The following SKAP2 variants were observed in gnomAD, a reference collection of about 807,000 sequenced individuals.
The protein encoded by SKAP2 is src kinase associated phosphoprotein 2, also known as src kinase-associated phosphoprotein 2.
SKAP2 carries 28 observed loss-of-function variants against 54.9 expected under a neutral mutation model. The ratio of observed to expected loss-of-function variants is 0.51; its 90% CI spans 0.38 to 0.70. SKAP2 has a LOEUF of 0.70. Ranked by LOEUF, SKAP2 falls within the 30% of genes least tolerant of loss-of-function variation. SKAP2 has a pLI of 0.00. For synonymous variants in SKAP2, 137 were observed against 134.3 expected (o/e 1.02, Z -0.14); for missense variants, 356 against 424.1 (o/e 0.84, Z 1.41).
intron 4 of SKAP2, among the ~76,000 whole-genome samples, chr7:26,754,245 TC>T (rs1167342744): frequency 6.6e-6 from 1 of 151,582 alleles, no homozygotes; most frequent in African/African-American, 2.4e-5. Context: ...ACACCTGCAA[TC>T]CCAGCCACTC....
At chr7:26,843,382 G>C (rs979337315) in intron 4 of SKAP2, among the ~76,000 whole-genome samples, 1 of 152,004 alleles carries the variant, frequency 6.6e-6, no homozygotes, top group Non-Finnish European at 1.5e-5. Flanking sequence ...GGCTATAACA[G>C]AGAAAGTACA....
chr7:26,723,490 C>G (rs1787624956), intron 9 of SKAP2, among the ~76,000 whole-genome samples: 1 of 151,916 alleles, frequency 6.6e-6, no homozygotes, highest in Non-Finnish European at 1.5e-5. Flanking sequence ...AGTACCACAG[C>G]AAGAAGTAAC....
At chr7:26,755,777 CAAAA>C (rs1430669056) in intron 4 of SKAP2, among the ~76,000 whole-genome samples, 5 of 152,194 alleles carry the variant, frequency 3.3e-5, no homozygotes, top group African/African-American at 1.2e-4. Context: ...ATAGGACTGG[CAAAA>C]ACTGCAAAGA....
chr7:26,821,488 T>C (rs1011664285), intron 4 of SKAP2, among the ~76,000 whole-genome samples: 2 of 152,190 alleles, frequency 1.3e-5, no homozygotes, highest in Admixed American at 1.3e-4. Flanking sequence ...AATGTCTCTA[T>C]TCTAAATCTT....
chr7:26,714,309 A>AT (rs1408527190), intron 9 of SKAP2, among the ~76,000 whole-genome samples: 4 of 152,322 alleles, frequency 2.6e-5, no homozygotes, highest in African/African-American at 9.6e-5. Flanking sequence ...ATATTAAAAA[A>AT]ACTGCCCCAT....
At chr7:26,732,170 C>T (rs913171748) in intron 6 of SKAP2, among the ~76,000 whole-genome samples, 1 of 152,126 alleles carries the variant, frequency 6.6e-6, no homozygotes, top group Non-Finnish European at 1.5e-5. Context: ...AAAGTGGATG[C>T]TCCAGACTGG....
intron 4 of SKAP2, among the ~76,000 whole-genome samples, chr7:26,843,415 A>G (rs2127995674): frequency 6.6e-6 from 1 of 152,214 alleles, no homozygotes; most frequent in East Asian, 1.9e-4. Context: ...AACAAGTTTC[A>G]TAACTTTGGC....
intron 4 of SKAP2, among the ~76,000 whole-genome samples, chr7:26,785,863 A>C (rs1168339580): frequency 6.6e-6 from 1 of 152,194 alleles, no homozygotes; most frequent in Non-Finnish European, 1.5e-5. Flanking sequence ...CAGCAGTAAT[A>C]TGCTCCATCT....
intron 9 of SKAP2, among the ~76,000 whole-genome samples, chr7:26,713,730 G>A (rs1254518552): frequency 6.6e-6 from 1 of 151,864 alleles, no homozygotes; most frequent in Non-Finnish European, 1.5e-5. Context: ...CTCCCGAGTA[G>A]CTGGGACTAC....
intron 4 of SKAP2, among the ~76,000 whole-genome samples, chr7:26,770,773 C>T (rs1783172978): frequency 6.6e-6 from 1 of 152,148 alleles, no homozygotes; most frequent in Admixed American, 6.5e-5. Context: ...GCTCACCCTC[C>T]TTGGGCTGCA....
chr7:26,787,144 C>G (rs1783564336), intron 4 of SKAP2, among the ~76,000 whole-genome samples: 1 of 152,128 alleles, frequency 6.6e-6, no homozygotes, highest in South Asian at 2.1e-4. Flanking sequence ...GAATTTTGCT[C>G]TTATTCACAG....
chr7:26,729,572 C>T (rs182783973), intron 6 of SKAP2, among the ~76,000 whole-genome samples: 318 of 152,044 alleles, frequency 2.1e-3, no homozygotes, highest in Non-Finnish European at 4.0e-3. Context: ...AACAAATATG[C>T]TGTATAAGGA....
At chr7:26,805,796 G>A (rs1328058093) in intron 4 of SKAP2, among the ~76,000 whole-genome samples, 1 of 152,144 alleles carries the variant, frequency 6.6e-6, no homozygotes, top group South Asian at 2.1e-4. Context: ...AGAATAAAAG[G>A]TTTATTACTT....
intron 6 of SKAP2, among the ~76,000 whole-genome samples, chr7:26,730,232 T>C (rs1787794364): frequency 2.0e-5 from 3 of 152,214 alleles, no homozygotes; most frequent in Non-Finnish European, 4.4e-5. Context: ...AGAATTTACA[T>C]ATAGATTAGT....
rs912987762 is a variant in SKAP2, at chr7:26,738,287, C to T, written c.469+508G>A. 5.9e-5 allele frequency among the ~76,000 whole-genome samples: 9 copies of T among 152,226 alleles called. No homozygotes were observed. The East Asian group carries it at 9.7e-4, about 16-fold the overall frequency. On this transcript the variant is annotated intron_variant, in intron 6 of 12. Transcript: ENST00000345317. The stretch of plus-strand genomic sequence containing the variant: ...GAGCTAAACAAGTTAACATAGCTAA[C>T]GTACTTAGACAAAGTGCTTAGAACG...
At chr7:26,670,055 G>T (rs777093193) in intron 12 of SKAP2, 36 bp downstream of exon 12, 2 of 850,042 alleles carry the variant, frequency 2.4e-6, no homozygotes, top group Admixed American at 1.7e-5. Context: ...GAGAACATAT[G>T]AGCTATTACA....
intron 9 of SKAP2, among the ~76,000 whole-genome samples, chr7:26,699,874 C>G (rs758258473): frequency 1.3e-5 from 2 of 152,012 alleles, no homozygotes; most frequent in Non-Finnish European, 2.9e-5. Context: ...TTTTATGTTC[C>G]CAAAGCACAC....
At chr7:26,690,394 A>C (rs1216677598) in intron 9 of SKAP2, 32 bp from the exon 10 acceptor site, 7 of 1,441,398 alleles carry the variant, frequency 4.9e-6, no homozygotes, top group Non-Finnish European at 6.8e-6. Flanking sequence ...GGCACATTGA[A>C]GGGTTTTCTC....
intron 3 of SKAP2, 47 bp from the exon 4 acceptor site, chr7:26,844,184 C>T (rs1181394386): frequency 1.3e-5 from 14 of 1,114,496 alleles, no homozygotes; most frequent in Admixed American, 1.8e-5. Flanking sequence ...ATACTTTAGC[C>T]ATTTAAAGTA....
Sources: gnomAD v4.1 joint callset for allele counts (sites outside exome capture counted in the v4.1 genomes callset) on GRCh38, gnomAD v4.1.1 for gene constraint, MANE v1.5 for transcripts, NCBI Gene and HGNC (gene_info 2026-07-23, HGNC 2026-07-21) for gene names.